The following SERGEF variants were observed in gnomAD, a reference collection of about 807,000 sequenced individuals.
The protein encoded by SERGEF is secretion-regulating guanine nucleotide exchange factor.
SERGEF carries 51 observed loss-of-function variants against 50.0 expected under a neutral mutation model. The observed-to-expected ratio is 1.02, with a 90% CI of 0.81 to 1.29. SERGEF has a LOEUF of 1.29. Ranked by LOEUF, SERGEF falls within the 50% of genes most tolerant of loss-of-function variation. The pLI is 0.00. For missense variants in SERGEF, 521 were observed against 557.0 expected, an observed-to-expected ratio of 0.94 and a Z score of 0.65; for synonymous variants, 205 against 212.4, an observed-to-expected ratio of 0.97 and a Z score of 0.30.
rs755925522 is a variant in SERGEF, at chr11:17,995,929, A to C, written c.509-20T>G. The C allele has an allele frequency of 3.9e-6, 6 of 1,548,274 alleles. No individual in the cohort carries two copies. The highest frequency in any genetic ancestry group is 5.4e-6 in the Non-Finnish European group (6 of 1,121,348). The stretch of plus-strand genomic sequence containing the variant: ...CACTCGCTTCCCAACAGAATGGAAG[A>C]GAAAGCAGAGAAGATGCACATCAGG... On this transcript the variant is annotated intron_variant, in intron 5 of 10. Coordinates refer to ENST00000265965, the MANE Select transcript of SERGEF (RefSeq NM_012139.4).
At chr11:17,985,390 C>T (rs1417586895) in intron 8 of SERGEF, among the ~76,000 whole-genome samples, 2 of 152,126 alleles carry the variant, frequency 1.3e-5, no homozygotes, top group Admixed American at 1.3e-4. Flanking sequence ...GTGACTTAAT[C>T]AAGGTCAACA....
chr11:17,971,519 T>C (rs1358972532), intron 8 of SERGEF, among the ~76,000 whole-genome samples: 3 of 152,206 alleles, frequency 2.0e-5, no homozygotes, highest in African/African-American at 4.8e-5. Flanking sequence ...GCCTGGATGA[T>C]AGCACATCTG....
chr11:18,010,467 T>A (rs1191837199), intron 1 of SERGEF: 1 of 156,086 alleles, frequency 6.4e-6, no homozygotes, highest in Non-Finnish European at 1.4e-5. Context: ...TAGTTATATC[T>A]GGGTAGGCAA....
At chr11:17,858,692 C>G (rs931950492) in intron 10 of SERGEF, among the ~76,000 whole-genome samples, 1 of 152,040 alleles carries the variant, frequency 6.6e-6, no homozygotes, top group Non-Finnish European at 1.5e-5. Context: ...AAGACCACAT[C>G]AAACTGGACA....
chr11:17,830,528 G>A lies in SERGEF; in HGVS notation c.1049-42115C>T, dbSNP rs7117161. ...TGCATCGTAACATGGTAGATGGCAAGAGAGTGAGAGAGAGGAAGAGAGAGG... is the reference window on the plus strand; with the variant it reads ...TGCATCGTAACATGGTAGATGGCAAAAGAGTGAGAGAGAGGAAGAGAGAGG... On this transcript the variant is annotated intron_variant, in intron 10 of 10. Coordinates refer to ENST00000265965, the MANE Select transcript of SERGEF (RefSeq NM_012139.4). Among the ~76,000 whole-genome samples the A allele has an allele frequency of 5.4e-3, 821 of 151,476 alleles. 9 individuals are homozygous for A. The highest frequency in any genetic ancestry group is 0.019 in the African/African-American group (779 of 41,290).
intron 3 of SERGEF, among the ~76,000 whole-genome samples, 156 bp downstream of exon 3, chr11:18,006,435 C>T (rs1283325109): frequency 6.6e-6 from 1 of 152,192 alleles, no homozygotes; most frequent in Non-Finnish European, 1.5e-5. Context: ...CTTGGCCTCC[C>T]AAAGTGCTGG....
intron 9 of SERGEF, among the ~76,000 whole-genome samples, chr11:17,907,712 A>G (rs1851875699): frequency 6.6e-6 from 1 of 152,212 alleles, no homozygotes; most frequent in African/African-American, 2.4e-5. Context: ...GTACAAATTG[A>G]AAAAATAACC....
intron 8 of SERGEF, among the ~76,000 whole-genome samples, chr11:17,978,459 C>T (rs1211658844): frequency 6.6e-6 from 1 of 152,170 alleles, no homozygotes; most frequent in African/African-American, 2.4e-5. Flanking sequence ...GAGAACTGGA[C>T]AGGGCAGAGG....
At chr11:17,910,108 C>T (rs1851920427) in intron 9 of SERGEF, among the ~76,000 whole-genome samples, 1 of 132,556 alleles carries the variant, frequency 7.5e-6, no homozygotes. Context: ...AGGAGGCCTA[C>T]AGTTCCCCTA....
rs147118854 is a variant in SERGEF at position 17,884,545 on chromosome 11, C to T, written c.1012-6301G>A. On this transcript the variant is annotated intron_variant, in intron 9 of 10. Transcript: ENST00000265965. The surrounding 1 kb of genome is among the most constrained non-coding windows in gnomAD (Gnocchi z 4.6). Reference sequence around the variant, plus strand: ...AAGCTGGGCACGTTTTACAGGCACACTGCAATCCAGTGAGCCACCAGAGTT... The same window carrying T: ...AAGCTGGGCACGTTTTACAGGCACATTGCAATCCAGTGAGCCACCAGAGTT... Among the ~76,000 whole-genome samples, 623 of 152,240 alleles carry T rather than the reference C, an allele frequency of 4.1e-3. 2 individuals are homozygous for T. The highest frequency in any genetic ancestry group is 0.014 in the African/African-American group (594 of 41,568).
At chr11:18,002,163 A>G in intron 4 of SERGEF, 1 of 370,890 alleles carries the variant, frequency 2.7e-6, no homozygotes, top group South Asian at 2.1e-5. Flanking sequence ...GTTTTTCCCC[A>G]AAAAACTAAC....
At chr11:17,988,135 T>C (rs546118459) in intron 8 of SERGEF, among the ~76,000 whole-genome samples, 277 of 152,290 alleles carry the variant, frequency 1.8e-3, no homozygotes, top group African/African-American at 6.4e-3. Context: ...ATACACATAG[T>C]TTATTAGGTC....
intron 10 of SERGEF, among the ~76,000 whole-genome samples, chr11:17,868,606 C>T (rs933624076): frequency 1.3e-5 from 2 of 152,192 alleles, no homozygotes; most frequent in Non-Finnish European, 2.9e-5. Context: ...TTTTCAGCAG[C>T]ACCCTACTCC....
chr11:17,896,747 C>CGGAAGGGTAAG (rs1166657566), intron 9 of SERGEF, among the ~76,000 whole-genome samples: 5 of 61,378 alleles, frequency 8.1e-5, no homozygotes, highest in East Asian at 6.8e-4. Context: ...GGAAGGGTAA[C>CGGAAGGGTAAG]GGAAGGGTAA....
intron 10 of SERGEF, among the ~76,000 whole-genome samples, chr11:17,831,283 C>G (rs1850304605): frequency 6.6e-6 from 1 of 152,174 alleles, no homozygotes; most frequent in Non-Finnish European, 1.5e-5. Context: ...TGGGGCAAGA[C>G]CCCTACACAA....
intron 8 of SERGEF, among the ~76,000 whole-genome samples, chr11:17,982,920 CT>C (rs1853520610): frequency 6.6e-6 from 1 of 152,170 alleles, no homozygotes; most frequent in Non-Finnish European, 1.5e-5. Context: ...GAAAGTAGAA[CT>C]AGATTTCTAG....
intron 8 of SERGEF, among the ~76,000 whole-genome samples, chr11:17,977,608 G>C (rs1208394611): frequency 6.6e-6 from 1 of 152,184 alleles, no homozygotes; most frequent in Admixed American, 6.5e-5. Flanking sequence ...AGCCTAAAGG[G>C]CTGCTACAGA....
intron 10 of SERGEF, among the ~76,000 whole-genome samples, chr11:17,835,617 A>T (rs1345084138): frequency 1.3e-5 from 2 of 152,170 alleles, no homozygotes; most frequent in Non-Finnish European, 2.9e-5. Context: ...CCTAGCACAA[A>T]ACCTTGCTCA....
In SERGEF at chr11:18,006,606, T is replaced by C. The variant is rs772654849; in HGVS notation, c.337A>G (p.Thr113Ala). ...GTGAACTCACCTGTGAGCATAATCG[T>C]AAAATCCCAGCCACAGGCCACCTGT... ...IQQVACGWDF[T>A]IMLTENGQVL... The change falls in exon 3 of 11, where the codon ACG (threonine) becomes GCG (alanine). Residue 113 changes from threonine to alanine, a missense_variant. By Grantham distance (58) the Thr-to-Ala change is moderately conservative. Coordinates refer to ENST00000265965, the MANE Select transcript of SERGEF (RefSeq NM_012139.4). 10 of 1,613,778 alleles carry C rather than the reference T, an allele frequency of 6.2e-6. No homozygotes were observed. The South Asian group carries it at 1.1e-4, about 18-fold the overall frequency.
Sources: gnomAD v4.1 joint callset for allele counts (sites outside exome capture counted in the v4.1 genomes callset) on GRCh38, gnomAD v4.1.1 for gene constraint, Gnocchi (gnomAD v3.1) non-coding constraint, MANE v1.5 for transcripts, NCBI Gene and HGNC (gene_info 2026-07-23, HGNC 2026-07-21) for gene names.